The following CNGA1 variants were observed in gnomAD, a reference collection of about 807,000 sequenced individuals.
CNGA1 encodes cyclic nucleotide gated channel subunit alpha 1, also known as cyclic nucleotide-gated channel alpha-1.
CNGA1 carries 53 observed loss-of-function variants against 69.7 expected under a neutral mutation model. The ratio of observed to expected loss-of-function variants is 0.76; its 90% CI spans 0.61 to 0.96. The LOEUF (loss-of-function observed/expected upper bound fraction) is 0.96. Among genes scored for constraint, CNGA1 ranks in the 40% least tolerant of loss-of-function variants. The probability of loss-of-function intolerance (pLI) is 0.00; values close to 1 mark genes in which losing one functional copy is unlikely to be tolerated. For synonymous variants in CNGA1, 249 were observed against 283.5 expected (o/e 0.88, Z 1.22); for missense variants, 739 against 811.2 (o/e 0.91, Z 1.08).
intron 2 of CNGA1, among the ~76,000 whole-genome samples, chr4:47,998,228 C>G (rs1018430223): frequency 6.6e-6 from 1 of 152,048 alleles, no homozygotes; most frequent in Non-Finnish European, 1.5e-5. Flanking sequence ...TTGAAGTAGC[C>G]AGAATTTTCA....
chr4:47,942,096 A>G lies in CNGA1; in HGVS notation c.490T>C (p.Trp164Arg), dbSNP rs1052230058. 4 of 1,613,950 alleles carry G rather than the reference A, an allele frequency of 2.5e-6. No individual in the cohort carries two copies. The African/African-American group carries it at 5.3e-5, about 22-fold the overall frequency. The change falls in exon 9 of 11, where the codon TGG becomes CGG. Residue 164 changes from tryptophan to arginine, a missense_variant. Coordinates refer to ENST00000514170, the MANE Select transcript of CNGA1 (RefSeq NM_001379270.1). ...ACAGGTAATGTGATGCAAAACAGCC[A>G]GTTGTAATATGTGTTTCCCGAGGGA... The part of the protein sequence containing the change: ...IDPSGNTYYN[W>R]LFCITLPVMY...
In CNGA1 at chr4:47,964,859, A is replaced by G. The variant is rs1740639301; in HGVS notation, c.-14-12156T>C. Among the ~76,000 whole-genome samples, 3 of 151,974 alleles carry G rather than the reference A, an allele frequency of 2.0e-5. No individual in the cohort carries two copies. In the South Asian group the frequency reaches 6.2e-4, roughly 32 times the overall value. On this transcript the variant is annotated intron_variant, in intron 3 of 10. Coordinates refer to ENST00000514170, the MANE Select transcript of CNGA1 (RefSeq NM_001379270.1). The stretch of plus-strand genomic sequence containing the variant: ...GTTTTATATTTGTGTTCCTTTTGTC[A>G]TTAGCTTGGTTTTCCCTTGATGTAT...
chr4:47,950,210 G>A (rs188441278), intron 5 of CNGA1, among the ~76,000 whole-genome samples: 39 of 152,264 alleles, frequency 2.6e-4, no homozygotes, highest in African/African-American at 8.4e-4. Flanking sequence ...GGGACCCAGT[G>A]GGAAGTAATT....
At chr4:47,949,404 C>T (rs1172493087) in intron 6 of CNGA1, among the ~76,000 whole-genome samples, 9 of 152,302 alleles carry the variant, frequency 5.9e-5, no homozygotes, top group Middle Eastern at 3.4e-3. Context: ...CTCTGAAGTT[C>T]GACTTCTCCC....
intron 2 of CNGA1, among the ~76,000 whole-genome samples, chr4:47,983,195 A>G (rs1741820320): frequency 6.6e-6 from 1 of 152,282 alleles, no homozygotes; most frequent in Non-Finnish European, 1.5e-5. Flanking sequence ...GTGTATTAAC[A>G]CATGTGGTCT....
chr4:47,941,581 T>G (rs924716757), intron 9 of CNGA1, among the ~76,000 whole-genome samples: 4 of 152,018 alleles, frequency 2.6e-5, no homozygotes, highest in Non-Finnish European at 5.9e-5. Context: ...AACCAAAAGT[T>G]TAAAAGTCTT....
At position 47,943,197 on chromosome 4, in the gene CNGA1, T is replaced by C; in HGVS notation, c.421A>G (p.Lys141Glu). The C allele has an allele frequency of 6.2e-7, 1 of 1,606,922 alleles. No individual in the cohort carries two copies. The highest frequency in any genetic ancestry group is 8.5e-7 in the Non-Finnish European group (1 of 1,176,076). ...KEKKKKEEKS[K>E]DKKEEEKKEV... ...AGTGCTTACTCTTCTTTCTTATCTT[T>C]GCTTTTCTCCTCTTTCTTTTTCTTC... Residue 141 changes from lysine to glutamate, a missense_variant, in exon 8 of 11, where the codon AAA becomes GAA. Transcript: ENST00000514170.
Position 47,937,670 on chromosome 4 carries a change from A to C in CNGA1, c.812T>G (p.Leu271Trp), listed in dbSNP as rs1475803857. The C allele has an allele frequency of 1.9e-6, 3 of 1,614,168 alleles. No homozygotes were observed. Among genetic ancestry groups the C allele is most frequent in the Non-Finnish European group, 2.5e-6 (3 of 1,180,022 alleles). Residue 271 changes from leucine to tryptophan, a missense_variant, in exon 11 of 11, where the codon TTG becomes TGG. Transcript: ENST00000514170. Reference sequence around the variant, plus strand: ...CTCAAACATACGAGAGAACCGTAACAACCTGTTTAATCTAATTTCTGGATA... The same window carrying C: ...CTCAAACATACGAGAGAACCGTAACCACCTGTTTAATCTAATTTCTGGATA... ...WNYPEIRLNRLLRFSRMFEFF... is the reference protein window; with the variant it reads ...WNYPEIRLNRWLRFSRMFEFF...
At chr4:47,975,286 A>G (rs2110205474) in intron 3 of CNGA1, among the ~76,000 whole-genome samples, 1 of 152,330 alleles carries the variant, frequency 6.6e-6, no homozygotes, top group Middle Eastern at 3.4e-3. Context: ...ATGTTGCCCC[A>G]GCACACACAG....
chr4:47,997,957 A>G (rs1714461110), intron 2 of CNGA1, among the ~76,000 whole-genome samples: 1 of 152,224 alleles, frequency 6.6e-6, no homozygotes, highest in Non-Finnish European at 1.5e-5. Context: ...ACCATAAAGT[A>G]GAAAAATCAT....
chr4:47,992,661 T>C (rs1278705835), intron 2 of CNGA1, among the ~76,000 whole-genome samples: 1 of 108,032 alleles, frequency 9.3e-6, no homozygotes, highest in Non-Finnish European at 2.2e-5. Flanking sequence ...CCATTTATTA[T>C]TTATTTATTT....
intron 2 of CNGA1, among the ~76,000 whole-genome samples, chr4:47,982,543 G>T (rs1303594334): frequency 6.6e-6 from 1 of 151,668 alleles, no homozygotes; most frequent in South Asian, 2.1e-4. Context: ...CAGAAAGAAA[G>T]AAAAGAAAAT....
intron 1 of CNGA1, among the ~76,000 whole-genome samples, chr4:48,013,820 C>T (rs1433950276): frequency 6.6e-6 from 1 of 152,108 alleles, no homozygotes. Context: ...ATAATTTTTG[C>T]AAAGGTGGTT....
At chr4:47,964,182 G>C (rs929449234) in intron 3 of CNGA1, among the ~76,000 whole-genome samples, 8 of 152,278 alleles carry the variant, frequency 5.3e-5, no homozygotes, top group Admixed American at 4.6e-4. Context: ...CCAACTCCCT[G>C]TTGTCATCAA....
At chr4:47,981,360 T>G (rs1741703195) in intron 3 of CNGA1, 33 bp downstream of exon 3, 1 of 152,212 alleles carries the variant, frequency 6.6e-6, no homozygotes, top group African/African-American at 2.4e-5. Context: ...GTGAAAAATA[T>G]AACTCTAATT....
At chr4:47,987,110 C>T (rs1742011521) in intron 2 of CNGA1, among the ~76,000 whole-genome samples, 1 of 136,962 alleles carries the variant, frequency 7.3e-6, no homozygotes, top group African/African-American at 2.9e-5. Context: ...ACTGATAGAA[C>T]ATAGCTGCAT....
intron 2 of CNGA1, among the ~76,000 whole-genome samples, chr4:47,983,272 C>G (rs1741824357): frequency 6.6e-6 from 1 of 152,210 alleles, no homozygotes; most frequent in African/African-American, 2.4e-5. Flanking sequence ...ATGCTTCTCT[C>G]TAGACTACCT....
intron 3 of CNGA1, among the ~76,000 whole-genome samples, chr4:47,977,940 C>T (rs1321440852): frequency 6.6e-6 from 1 of 151,982 alleles, no homozygotes; most frequent in Non-Finnish European, 1.5e-5. Flanking sequence ...AATTCTCCTG[C>T]CTCAGCCTCC....
Position 47,944,876 on chromosome 4 carries a change from T to C in CNGA1, c.288-1464A>G, listed in dbSNP as rs151002941. 3.0e-3 allele frequency among the ~76,000 whole-genome samples: 463 copies of C among 152,276 alleles called. 2 individuals are homozygous for C. Among genetic ancestry groups the C allele is most frequent in the African/African-American group, 0.011 (440 of 41,556 alleles). On this transcript the variant is annotated intron_variant, in intron 6 of 10. Coordinates refer to ENST00000514170, the MANE Select transcript of CNGA1 (RefSeq NM_001379270.1). ...AGAAGTAAGGTTGGTCCAGTAATTA[T>C]AATGAGCATTAAGGTGGGGATGGTA...
Sources: gnomAD v4.1 joint callset for allele counts (sites outside exome capture counted in the v4.1 genomes callset) on GRCh38, gnomAD v4.1.1 for gene constraint, MANE v1.5 for transcripts, NCBI Gene and HGNC (gene_info 2026-07-23, HGNC 2026-07-21) for gene names.